Variants in SZT2 observed in about 807,000 individuals in gnomAD.
The protein encoded by SZT2 is SZT2 subunit of KICSTOR complex.
A neutral mutation model predicts 404.2 loss-of-function variants in SZT2; 216 were observed. That is an observed-to-expected ratio of 0.53 (90% CI 0.48 to 0.60). The LOEUF is 0.60. SZT2 is among the 20% of genes least tolerant of loss of function. SZT2 has a pLI of 0.00. For synonymous variants in SZT2, 1,693 were observed against 1,749.9 expected (o/e 0.97, Z 0.81); for missense variants, 3,857 against 4,459.2 (o/e 0.86, Z 3.85).
Position 43,420,218 on chromosome 1 carries a change from C to T in SZT2, c.1156C>T (p.Arg386Cys), listed in dbSNP as rs1366497634. Residue 386 changes from arginine to cysteine, a missense_variant, in exon 9 of 72, where the codon CGC (arginine) becomes TGC (cysteine). Transcript: ENST00000634258. This position sits in a 1 kb window ranked among gnomAD's most constrained non-coding sequence, Gnocchi z 5.1. ...AAGCAGCAACCCTGCCCTGGCCTTG[C>T]GCCGGAAGAAGCACACTGAGAAGGA... The part of the protein sequence containing the change: ...SASSNPALAL[R>C]RKKHTEKEVP... 10 of 1,598,456 alleles carry T rather than the reference C, an allele frequency of 6.3e-6. No homozygotes were observed. Among genetic ancestry groups the T allele is most frequent in the South Asian group, 1.1e-5 (1 of 91,086 alleles).
chr1:43,447,773 A>C, intron 67 of SZT2, 75 bp downstream of exon 67: 1 of 1,610,710 alleles, frequency 6.2e-7, no homozygotes, highest in African/African-American at 1.3e-5. Context: ...AGGGAGACCA[A>C]TGTTTTCTTG....
chr1:43,453,641 G>C lies in SZT2; in HGVS notation c.*3161G>C. ...CAAGCCGCAGCCCCGCTTCTCGCGC[G>C]GCGCGCGCCAGCGCCTCAGGCGTCT... is the stretch of plus-strand genomic sequence containing the variant. On this transcript the variant is annotated 3_prime_UTR_variant, in exon 72 of 72. Transcript: ENST00000634258. The C allele has an allele frequency of 6.7e-7, 1 of 1,491,924 alleles. No individual in the cohort carries two copies. Among genetic ancestry groups the C allele is most frequent in the Non-Finnish European group, 8.9e-7 (1 of 1,127,692 alleles). The allele number at this position is 1,491,924 out of a possible 1,614,324, so 92.4% of individuals were successfully genotyped here.
rs756879355 is a variant in SZT2, at chr1:43,434,390, C to T, written c.5809C>T (p.Leu1937=). 1 of 1,592,418 alleles carries T rather than the reference C, an allele frequency of 6.3e-7. No individual in the cohort carries two copies. The highest frequency in any genetic ancestry group is 8.5e-7 in the Non-Finnish European group (1 of 1,170,922). The change falls in exon 41 of 72, where the codon CTG becomes TTG. Residue 1937 remains leucine, a synonymous_variant. Coordinates refer to ENST00000634258, the MANE Select transcript of SZT2 (RefSeq NM_001365999.1). ...RVEVYAHARS[L]IREDGGPGTE... ...CAGATTATCCTTCCTTCCCAGGAGCCTGATTCGGGAGGATGGGGGGCCGGG... is the reference window on the plus strand; with the variant it reads ...CAGATTATCCTTCCTTCCCAGGAGCTTGATTCGGGAGGATGGGGGGCCGGG...
Position 43,431,044 on chromosome 1 carries a change from C to T in SZT2, c.4870C>T (p.Pro1624Ser), listed in dbSNP as rs762960235. Residue 1624 changes from proline to serine, a missense_variant, in exon 33 of 72, where the codon CCC becomes TCC. Around this residue, in one of 7 missense-constraint regions of SZT2, gnomAD observed 1,725 missense variants for 1,881.0 expected, o/e 0.92. Transcript: ENST00000634258. ...TCTGGATGTCTTCATGCTGACTTTG[C>T]CCCTGGAAGTGGAGCTCCCCACGGC... ...VTLDVFMLTL[P>S]LEVELPTASD... The T allele has an allele frequency of 1.2e-6, 2 of 1,614,154 alleles. No individual in the cohort carries two copies. The highest frequency in any genetic ancestry group is 1.1e-5 in the South Asian group (1 of 91,080).
chr1:43,447,466 C>T, intron 66 of SZT2, 79 bp from the exon 67 acceptor site: 3 of 1,548,486 alleles, frequency 1.9e-6, no homozygotes, highest in Non-Finnish European at 1.7e-6. Context: ...GCCTTAAAGA[C>T]TCCCATCCCT....
intron 40 of SZT2, 25 bp downstream of exon 40, chr1:43,433,215 C>T (rs1018869293): frequency 5.0e-6 from 8 of 1,608,554 alleles, no homozygotes; most frequent in Non-Finnish European, 5.9e-6. Context: ...GGGCCTGCAC[C>T]CTCATGCTCC....
intron 35 of SZT2, 67 bp downstream of exon 35, chr1:43,431,590 C>A (rs1334114678): frequency 1.2e-6 from 2 of 1,607,352 alleles, no homozygotes; most frequent in Middle Eastern, 1.7e-4. Context: ...TAAGGTACCC[C>A]CTTTGTTCTG....
Position 43,439,674 on chromosome 1 carries a change from CCTCCT to C in SZT2, c.6952_6956del (p.Ser2318GlyfsTer12). On this transcript the variant is annotated frameshift_variant, in exon 50 of 72. Transcript: ENST00000634258. LOFTEE classifies it high-confidence loss of function. This position sits in a 1 kb window ranked among gnomAD's most constrained non-coding sequence, Gnocchi z 4.2. ...CCCTTGTCACTGGCGTTGTGGCCCC[CCTCCT>C]CTCCGGGGCCCCCAGACCCACTGCG... is the stretch of plus-strand genomic sequence containing the variant. 1 of 1,613,152 alleles carries C rather than the reference CCTCCT, an allele frequency of 6.2e-7. No homozygotes were observed. Among genetic ancestry groups the C allele is most frequent in the Non-Finnish European group, 8.5e-7 (1 of 1,179,534 alleles).
rs1258631925 is a variant in SZT2 at position 43,432,530 on chromosome 1, G to T, written c.5456G>T (p.Ser1819Ile). ...CCTATTCCTCAGACCCTGACAGCCA[G>T]CCCCCAAGCACCTGGGTCCCCAGAG... ...EGIEGETLTA[S>I]PQAPGSPEDS... is the part of the protein sequence containing the mutation. Residue 1819 changes from serine (S) to isoleucine (I), a missense_variant, in exon 38 of 72, where the codon AGC becomes ATC. This residue lies in a region of SZT2 where 1,725 missense variants were observed against 1,881.0 expected (regional missense o/e 0.92). Coordinates refer to ENST00000634258, the MANE Select transcript of SZT2 (RefSeq NM_001365999.1). 3.1e-6 allele frequency: 5 copies of T among 1,606,162 alleles called. No homozygotes were observed. Among genetic ancestry groups the T allele is most frequent in the Non-Finnish European group, 1.7e-6 (2 of 1,176,332 alleles).
rs141284022 is a variant in SZT2 at position 43,435,272 on chromosome 1, C to T, written c.5977C>T (p.Leu1993=). ...TCTGGTGGCCGAGAGTGAAGAAGATCTGTGGCGCAGTGAGACTCCCTTCCA... is the reference window on the plus strand; with the variant it reads ...TCTGGTGGCCGAGAGTGAAGAAGATTTGTGGCGCAGTGAGACTCCCTTCCA... The part of the protein sequence containing the change: ...SLLVAESEED[L]WRSETPFHSR... Residue 1993 remains leucine, a synonymous_variant, in exon 42 of 72, where the codon CTG becomes TTG. Coordinates refer to ENST00000634258, the MANE Select transcript of SZT2 (RefSeq NM_001365999.1). 11 of 1,614,140 alleles carry T rather than the reference C, an allele frequency of 6.8e-6. No homozygotes were observed. In the African/African-American group the frequency reaches 1.5e-4, roughly 22 times the overall value.
rs769864658 is a variant in SZT2, at chr1:43,426,412, G to A, written c.3088G>A (p.Asp1030Asn). 6.9e-6 allele frequency: 11 copies of A among 1,590,572 alleles called. No homozygotes were observed. In the East Asian group the frequency reaches 9.0e-5, roughly 13 times the overall value. ...CGCCGAGGGGTCCTGTCCTGCCAACGACATGGTGCTGTGCCTGCTGCACAG... is the reference window on the plus strand; with the variant it reads ...CGCCGAGGGGTCCTGTCCTGCCAACAACATGGTGCTGTGCCTGCTGCACAG... ...PFAEGSCPAN[D>N]MVLCLLHSCL... The change falls in exon 22 of 72, where the codon GAC becomes AAC. Residue 1030 changes from aspartate to asparagine, a missense_variant. Around this residue, in one of 7 missense-constraint regions of SZT2, gnomAD observed 1,725 missense variants for 1,881.0 expected, o/e 0.92. Transcript: ENST00000634258. This position sits in a 1 kb window ranked among gnomAD's most constrained non-coding sequence, Gnocchi z 4.9.
chr1:43,391,818 ACGCC>A (rs1191638198), intron 1 of SZT2, among the ~76,000 whole-genome samples: 65,746 of 121,264 alleles, frequency 0.54, 21,627 homozygotes, highest in Middle Eastern at 0.58. Flanking sequence ...GCGGTGGCTC[ACGCC>A]TGTAATCCCA....
chr1:43,399,921 G>C (rs1463881596), intron 1 of SZT2, among the ~76,000 whole-genome samples: 1 of 151,938 alleles, frequency 6.6e-6, no homozygotes. Flanking sequence ...CTCCCAAGGT[G>C]TAATTTCATT....
In SZT2 at chr1:43,450,147, T is replaced by A. The variant is rs1310041776; in HGVS notation, c.10131T>A (p.Phe3377Leu). 6.2e-7 allele frequency: 1 copy of A among 1,614,144 alleles called. No homozygotes were observed. The highest frequency in any genetic ancestry group is 8.5e-7 in the Non-Finnish European group (1 of 1,179,994). ...TCACTGACTGCTTTGTGCTAGTGTT[T>A]CTGGACTCCCACTTAGGAAAGACGG... Reference protein sequence around the residue: ...QKFTDCFVLVFLDSHLGKTSL... With the variant: ...QKFTDCFVLVLLDSHLGKTSL... The change falls in exon 71 of 72, where the codon TTT (phenylalanine) becomes TTA (leucine). Residue 3377 changes from phenylalanine to leucine, a missense_variant. By Grantham distance (22) the Phe-to-Leu change is conservative (BLOSUM62 0). Around this residue, in one of 7 missense-constraint regions of SZT2, gnomAD observed 717 missense variants for 868.2 expected, o/e 0.83. Transcript: ENST00000634258. The surrounding 1 kb of genome is among the most constrained non-coding windows in gnomAD (Gnocchi z 4.3).
chr1:43,415,935 C>T, intron 5 of SZT2, 25 bp from the exon 6 acceptor site: 1 of 1,588,060 alleles, frequency 6.3e-7, no homozygotes, highest in Non-Finnish European at 8.5e-7. Context: ...CTGCCCCATT[C>T]TGTCTTTTCT....
At position 43,435,308 on chromosome 1, in the gene SZT2, C is replaced by T. The variant is rs962274952; in HGVS notation, c.6013C>T (p.Arg2005Trp). 5.6e-6 allele frequency: 9 copies of T among 1,614,024 alleles called. No individual in the cohort carries two copies. The highest frequency in any genetic ancestry group is 7.6e-6 in the Non-Finnish European group (9 of 1,180,018). Residue 2005 changes from arginine to tryptophan, a missense_variant, in exon 42 of 72, where the codon CGG becomes TGG. Physicochemically the swap from Arg to Trp is moderately radical, Grantham distance 101 (BLOSUM62 -3). Around this residue, in one of 7 missense-constraint regions of SZT2, gnomAD observed 1,725 missense variants for 1,881.0 expected, o/e 0.92. Transcript: ENST00000634258. ...TGAGACTCCCTTCCACTCCCGTCAG[C>T]GGGCACCACTGCCCAGTGATGGTGA... ...RSETPFHSRQ[R>W]APLPSDDYAA...
chr1:43,407,981 C>T (rs1011058447), intron 4 of SZT2, among the ~76,000 whole-genome samples: 9 of 151,192 alleles, frequency 6.0e-5, no homozygotes, highest in African/African-American at 1.2e-4. Flanking sequence ...TACAGGCGCC[C>T]GCCACCACGC....
chr1:43,440,455 A>G lies in SZT2; in HGVS notation c.7213A>G (p.Ser2405Gly), dbSNP rs759572715. The change falls in exon 52 of 72, where the codon AGT becomes GGT. Residue 2405 changes from serine (S) to glycine (G), a missense_variant and splice_region_variant. This residue lies in a region of SZT2 where 573 missense variants were observed against 592.4 expected (regional missense o/e 0.97). Transcript: ENST00000634258. Reference sequence around the variant, plus strand: ...TCTGTAATGTCTGATGTCCACAGGAAGTCTCAGGAACGGATCGTTGGAAAC... The same window carrying G: ...TCTGTAATGTCTGATGTCCACAGGAGGTCTCAGGAACGGATCGTTGGAAAC... ...SLCTEDTPTG[S>G]LRNGSLETKS... 103 of 1,588,356 alleles carry G rather than the reference A, an allele frequency of 6.5e-5. No individual in the cohort carries two copies. The highest frequency in any genetic ancestry group is 8.6e-5 in the Non-Finnish European group (101 of 1,168,658).
intron 4 of SZT2, chr1:43,406,219 C>A: frequency 3.5e-6 from 1 of 285,710 alleles, no homozygotes; most frequent in South Asian, 2.7e-5. Context: ...TTTCAAGTAG[C>A]TGGGATTACA....
Sources: allele counts gnomAD v4.1 joint callset (sites outside exome capture counted in the v4.1 genomes callset), GRCh38; gene constraint gnomAD v4.1.1; regional missense constraint gnomAD v4.1.1; non-coding constraint Gnocchi (gnomAD v3.1); transcripts MANE v1.5; gene names NCBI Gene and HGNC (gene_info 2026-07-23, HGNC 2026-07-21).